Variants in NSG1 observed in about 807,000 individuals in gnomAD.
NSG1 encodes the protein neuronal vesicle trafficking associated 1.
In NSG1, 9 loss-of-function variants were observed where a neutral mutation model predicts 19.3. The observed-to-expected ratio is 0.47, with a 90% CI of 0.28 to 0.81. The LOEUF is 0.81. Ranked by LOEUF, NSG1 falls within the 40% of genes least tolerant of loss-of-function variation. NSG1 has a pLI of 0.11. For synonymous variants in NSG1, 104 were observed against 107.0 expected (o/e 0.97, Z 0.17); for missense variants, 236 against 242.4 (o/e 0.97, Z 0.18).
intron 3 of NSG1, among the ~76,000 whole-genome samples, chr4:4,407,633 C>T (rs1353010050): frequency 1.3e-5 from 2 of 152,164 alleles, no homozygotes; most frequent in African/African-American, 4.8e-5. Context: ...AGTCAGGATG[C>T]AGGCTCGGGG....
chr4:4,411,172 G>A (rs1472363509), intron 4 of NSG1, among the ~76,000 whole-genome samples: 1 of 152,156 alleles, frequency 6.6e-6, no homozygotes, highest in Non-Finnish European at 1.5e-5. Context: ...CTTTTAAAAT[G>A]TAAGTTTTTG....
chr4:4,387,769 C>A lies in NSG1; in HGVS notation c.129+11C>A. 6.3e-7 allele frequency: 1 copy of A among 1,588,390 alleles called. No individual in the cohort carries two copies. ...CCGCCCCCGGATAAGGTAAGCCCCCCCACGCCCCTCCACGTTGCCGGGTGT... is the reference window on the plus strand; with the variant it reads ...CCGCCCCCGGATAAGGTAAGCCCCCACACGCCCCTCCACGTTGCCGGGTGT... On this transcript the variant is annotated intron_variant, in intron 2 of 4. Coordinates refer to ENST00000621129, the MANE Select transcript of NSG1 (RefSeq NM_014392.5).
intron 2 of NSG1, among the ~76,000 whole-genome samples, chr4:4,388,172 C>A (rs1722833542): frequency 6.6e-6 from 1 of 152,166 alleles, no homozygotes; most frequent in Non-Finnish European, 1.5e-5. Flanking sequence ...GCCCGACTTG[C>A]CCCACCGAGG....
chr4:4,391,566 C>T lies in NSG1; in HGVS notation c.221C>T (p.Thr74Met), dbSNP rs755840500. Residue 74 changes from threonine (T) to methionine (M), a missense_variant, in exon 3 of 5, where the codon ACG becomes ATG. Thr to Met is a moderately conservative substitution (Grantham distance 81, BLOSUM62 -1). Transcript: ENST00000621129. Reference sequence around the variant, plus strand: ...ATTGCTGAGTTCACCGTCAGCATCACGGAGGGTGTCACCGAGAGGTTTAAG... The same window carrying T: ...ATTGCTGAGTTCACCGTCAGCATCATGGAGGGTGTCACCGAGAGGTTTAAG... ...PQIAEFTVSI[T>M]EGVTERFKVS... 70 of 1,612,084 alleles carry T rather than the reference C, an allele frequency of 4.3e-5. No homozygotes were observed. Among genetic ancestry groups the T allele is most frequent in the South Asian group, 1.4e-4 (13 of 90,990 alleles).
Position 4,387,641 on chromosome 4 carries a change from G to A in NSG1, c.12G>A (p.Leu4=). The A allele has an allele frequency of 6.2e-7, 1 of 1,613,036 alleles. No individual in the cohort carries two copies. The highest frequency in any genetic ancestry group is 8.5e-7 in the Non-Finnish European group (1 of 1,179,610). Residue 4 remains leucine, a synonymous_variant, in exon 2 of 5, where the codon TTG becomes TTA. Transcript: ENST00000621129. MVK[L]GNNFAEKGTK... is the part of the protein sequence containing the mutation. ...GAGCTCCCGGAACGATGGTGAAGTT[G>A]GGGAACAATTTCGCAGAGAAGGGCA...
intron 3 of NSG1, among the ~76,000 whole-genome samples, chr4:4,399,077 G>C (rs1025159463): frequency 6.6e-6 from 1 of 152,096 alleles, no homozygotes; most frequent in African/African-American, 2.4e-5. Context: ...TTGGCCATTT[G>C]TATCTCTTCT....
At chr4:4,403,647 G>T (rs116171778) in intron 3 of NSG1, among the ~76,000 whole-genome samples, 23 of 152,196 alleles carry the variant, frequency 1.5e-4, no homozygotes, top group African/African-American at 3.9e-4. Context: ...ATTTCCGGGA[G>T]TAGGACCTGG....
chr4:4,391,927 A>G (rs571874124), intron 3 of NSG1, among the ~76,000 whole-genome samples: 1 of 152,384 alleles, frequency 6.6e-6, no homozygotes, highest in African/African-American at 2.4e-5. Context: ...TCCAGGAAGG[A>G]AGCAGGCAAT....
intron 3 of NSG1, among the ~76,000 whole-genome samples, chr4:4,403,630 C>T (rs918037357): frequency 1.3e-5 from 2 of 152,166 alleles, no homozygotes; most frequent in African/African-American, 4.8e-5. Flanking sequence ...AGTCCCTTAC[C>T]ATATACATTT....
chr4:4,416,114 T>C (rs774831497), intron 4 of NSG1: 2 of 702,448 alleles, frequency 2.8e-6, no homozygotes, highest in South Asian at 3.0e-5. Flanking sequence ...ACTTGAGTCC[T>C]CAGCAACACG....
chr4:4,415,971 G>A (rs754690818), intron 4 of NSG1: 7 of 639,404 alleles, frequency 1.1e-5, no homozygotes, highest in East Asian at 5.5e-5. Flanking sequence ...GCTTCCCGAC[G>A]TCCTGGTGGG....
At chr4:4,415,058 T>A (rs528003688) in intron 4 of NSG1, among the ~76,000 whole-genome samples, 1 of 152,216 alleles carries the variant, frequency 6.6e-6, no homozygotes, top group Non-Finnish European at 1.5e-5. Context: ...GCTTTTCCCT[T>A]TATATTGGCC....
Position 4,406,088 on chromosome 4 carries a change from C to T in NSG1, c.247-3485C>T, listed in dbSNP as rs893343540. ...TGTTGCCCAGGCTGGAGTGCAGTGG[C>T]GCGATCTTGGCTCACTGCAACCTCC... On this transcript the variant is annotated intron_variant, in intron 3 of 4. Coordinates refer to ENST00000621129, the MANE Select transcript of NSG1 (RefSeq NM_014392.5). 1.4e-3 allele frequency among the ~76,000 whole-genome samples: 218 copies of T among 152,258 alleles called. 1 individual carries two copies. Among genetic ancestry groups the T allele is most frequent in the African/African-American group, 2.9e-3 (122 of 41,554 alleles).
At position 4,417,379 on chromosome 4, in the gene NSG1, C is replaced by T. The variant is rs1361999419; in HGVS notation, c.502C>T (p.Leu168=). ...CTCCGTATCGCCCTGGATGTCAGTT[C>T]TGTCAGAAGAGAAGCTGTCCGAGCA... ...TRSVSPWMSV[L]SEEKLSEQET... The change falls in exon 5 of 5, where the codon CTG becomes TTG. Residue 168 remains leucine, a synonymous_variant. Transcript: ENST00000621129. The T allele has an allele frequency of 6.2e-7, 1 of 1,614,194 alleles. No homozygotes were observed. The highest frequency in any genetic ancestry group is 1.7e-5 in the Admixed American group (1 of 60,024).
chr4:4,397,888 C>A (rs1202368682), intron 3 of NSG1, among the ~76,000 whole-genome samples: 1 of 152,214 alleles, frequency 6.6e-6, no homozygotes, highest in Admixed American at 6.5e-5. Context: ...CTTGTCAGCA[C>A]ACCCACAATA....
intron 2 of NSG1, among the ~76,000 whole-genome samples, chr4:4,389,406 G>A (rs1339390007): frequency 6.6e-6 from 1 of 152,180 alleles, no homozygotes; most frequent in Non-Finnish European, 1.5e-5. Flanking sequence ...CGGACTTCCC[G>A]CCGGGACTGA....
intron 3 of NSG1, among the ~76,000 whole-genome samples, chr4:4,395,650 C>G (rs1031773744): frequency 3.3e-5 from 5 of 152,266 alleles, no homozygotes; most frequent in African/African-American, 1.2e-4. Context: ...TACCCCCCTG[C>G]CAGGGCCCAG....
intron 4 of NSG1, among the ~76,000 whole-genome samples, chr4:4,413,944 C>T (rs1045237244): frequency 4.6e-5 from 7 of 151,698 alleles, no homozygotes; most frequent in Admixed American, 1.3e-4. Context: ...TGAGGGAGGC[C>T]GATGTCATGG....
At position 4,387,104 on chromosome 4, in the gene NSG1, C is replaced by T. The variant is rs1722756598; in HGVS notation, c.-96C>T. The T allele has an allele frequency of 6.6e-6, 1 of 152,264 alleles. No homozygotes were observed. Among genetic ancestry groups the T allele is most frequent in the Non-Finnish European group, 1.5e-5 (1 of 68,110 alleles). The allele number at this position is 152,264 out of a possible 1,614,324, so 9.4% of individuals were successfully genotyped here. A position where few individuals can be genotyped will look rare whatever the true frequency, so the allele number is the denominator to read the frequency against. Reference sequence around the variant, plus strand: ...GGTCCGCGCGCGGCGCCGCCTCCGCCATTGCTGCGAGCAGGAGCAGGAGAC... The same window carrying T: ...GGTCCGCGCGCGGCGCCGCCTCCGCTATTGCTGCGAGCAGGAGCAGGAGAC... On this transcript the variant is annotated 5_prime_UTR_variant, in exon 1 of 5. Coordinates refer to ENST00000621129, the MANE Select transcript of NSG1 (RefSeq NM_014392.5).
Sources: gnomAD v4.1 joint callset for allele counts (sites outside exome capture counted in the v4.1 genomes callset) on GRCh38, gnomAD v4.1.1 for gene constraint, MANE v1.5 for transcripts, NCBI Gene and HGNC (gene_info 2026-07-23, HGNC 2026-07-21) for gene names.